The following ZFHX3 variants were observed in gnomAD, a reference collection of about 807,000 sequenced individuals.
The protein encoded by ZFHX3 is zinc finger homeobox protein 3.
ZFHX3 carries 42 observed loss-of-function variants against 279.1 expected under a neutral mutation model. The observed-to-expected ratio is 0.15, with a 90% CI of 0.12 to 0.19. The LOEUF (loss-of-function observed/expected upper bound fraction) is 0.19. Ranked by LOEUF, ZFHX3 falls within the 10% of genes least tolerant of loss-of-function variation. The pLI, the probability that ZFHX3 is intolerant of heterozygous loss-of-function variation, is 1.00. For synonymous variants in ZFHX3, 2,293 were observed against 1,957.8 expected, an observed-to-expected ratio of 1.17 and a Z score of -4.52; for missense variants, 4,981 against 4,754.0, an observed-to-expected ratio of 1.05 and a Z score of -1.40.
chr16:72,917,953 C>T (rs949395200), intron 3 of ZFHX3, among the ~76,000 whole-genome samples: 1 of 152,176 alleles, frequency 6.6e-6, no homozygotes, highest in African/African-American at 2.4e-5. Context: ...CCCACTGAGT[C>T]AATGGAATAA....
intron 2 of ZFHX3, among the ~76,000 whole-genome samples, chr16:73,484,795 C>G (rs1463718215): frequency 2.0e-5 from 3 of 152,206 alleles, no homozygotes; most frequent in Admixed American, 1.3e-4. Flanking sequence ...TGTCTTTCAT[C>G]TATGTTCCTC....
chr16:73,105,358 T>C (rs534171233), intron 7 of ZFHX3, among the ~76,000 whole-genome samples: 1 of 73,368 alleles, frequency 1.4e-5, no homozygotes, highest in African/African-American at 5.2e-5. Context: ...TATATACACA[T>C]ATATATACAC....
chr16:73,140,151 C>T (rs1373553983), intron 6 of ZFHX3, among the ~76,000 whole-genome samples: 1 of 152,094 alleles, frequency 6.6e-6, no homozygotes, highest in African/African-American at 2.4e-5. Context: ...GCCTGTATTC[C>T]CAGCTACTTG....
intron 4 of ZFHX3, among the ~76,000 whole-genome samples, chr16:72,887,108 G>A (rs1446738413): frequency 6.6e-6 from 1 of 152,194 alleles, no homozygotes; most frequent in African/African-American, 2.4e-5. Flanking sequence ...CTTGAATTGT[G>A]GTCTATCCCA....
chr16:73,514,238 AC>A (rs796603668), intron 2 of ZFHX3, among the ~76,000 whole-genome samples: 3 of 151,688 alleles, frequency 2.0e-5, no homozygotes, highest in African/African-American at 7.3e-5. Flanking sequence ...ACAGAGCAAG[AC>A]TCCGTCTCAA....
intron 1 of ZFHX3, among the ~76,000 whole-genome samples, chr16:73,017,628 C>G (rs1964152291): frequency 6.6e-6 from 1 of 152,168 alleles, no homozygotes; most frequent in Non-Finnish European, 1.5e-5. Flanking sequence ...TATCAGCTGA[C>G]TTCTCCAACT....
intron 7 of ZFHX3, among the ~76,000 whole-genome samples, chr16:73,125,923 A>G (rs1209621208): frequency 1.3e-5 from 2 of 152,146 alleles, no homozygotes; most frequent in Non-Finnish European, 2.9e-5. Flanking sequence ...AATTGAGGCA[A>G]AGAGAAGTTA....
chr16:72,787,307 T>C lies in ZFHX3; in HGVS notation c.10969A>G (p.Thr3657Ala). 1.9e-6 allele frequency: 3 copies of C among 1,613,994 alleles called. No individual in the cohort carries two copies. Among genetic ancestry groups the C allele is most frequent in the Non-Finnish European group, 2.5e-6 (3 of 1,179,982 alleles). ...TCAGACTCCTCCGAATAGTCGTCTG[T>C]TGGCATCGAGGGCTGAACCCCTGAG... ...STSGVQPSMPTDDYSEESDTD... is the reference protein window; with the variant it reads ...STSGVQPSMPADDYSEESDTD... The change falls in exon 10 of 10, where the codon ACA (threonine) becomes GCA (alanine). Residue 3657 changes from threonine (T) to alanine (A), a missense_variant. Thr to Ala is a moderately conservative substitution (Grantham distance 58). Coordinates refer to ENST00000268489, the MANE Select transcript of ZFHX3 (RefSeq NM_006885.4).
intron 5 of ZFHX3, among the ~76,000 whole-genome samples, chr16:73,157,172 A>G (rs114494336): frequency 0.01 from 1,523 of 152,214 alleles, 20 homozygotes; most frequent in African/African-American, 0.035. Context: ...GAAGGCCCCA[A>G]AGGGCTGTCT....
intron 2 of ZFHX3, among the ~76,000 whole-genome samples, chr16:73,531,795 T>C (rs907310901): frequency 1.3e-5 from 2 of 151,456 alleles, no homozygotes; most frequent in Admixed American, 1.3e-4. Context: ...TGATAGAATA[T>C]TGTTATTTTT....
At chr16:72,840,351 G>A (rs990778784) in intron 4 of ZFHX3, among the ~76,000 whole-genome samples, 5 of 152,130 alleles carry the variant, frequency 3.3e-5, no homozygotes, top group African/African-American at 1.2e-4. Context: ...TAACAGGAGC[G>A]TCAACGGTGA....
chr16:73,583,494 T>C (rs965984321), intron 2 of ZFHX3, among the ~76,000 whole-genome samples: 3 of 152,222 alleles, frequency 2.0e-5, no homozygotes, highest in Non-Finnish European at 4.4e-5. Context: ...TTGTGTGTCC[T>C]GTGTGCTGTG....
intron 3 of ZFHX3, among the ~76,000 whole-genome samples, chr16:73,370,728 C>G (rs1250544965): frequency 3.3e-5 from 5 of 152,214 alleles, no homozygotes; most frequent in African/African-American, 4.8e-5. Flanking sequence ...CTGATCCAAT[C>G]AAAGGGCCAT....
chr16:73,211,749 C>T (rs2012026007), intron 5 of ZFHX3, among the ~76,000 whole-genome samples: 1 of 151,198 alleles, frequency 6.6e-6, no homozygotes, highest in African/African-American at 2.4e-5. Flanking sequence ...TAGATTTATT[C>T]CTGCAAAGCA....
chr16:72,964,116 A>G (rs1372901481), intron 1 of ZFHX3, among the ~76,000 whole-genome samples: 5 of 152,166 alleles, frequency 3.3e-5, no homozygotes, highest in Non-Finnish European at 7.3e-5. Flanking sequence ...AGCAGTGAAT[A>G]CCGCCTTCCT....
chr16:73,840,431 A>T (rs1224215351), intron 1 of ZFHX3, among the ~76,000 whole-genome samples: 5 of 152,190 alleles, frequency 3.3e-5, no homozygotes, highest in Non-Finnish European at 7.3e-5. Flanking sequence ...GATGGCCTGG[A>T]TGTTCATTCC....
chr16:72,849,147 G>A (rs1302368133), intron 4 of ZFHX3, among the ~76,000 whole-genome samples: 2 of 152,308 alleles, frequency 1.3e-5, no homozygotes, highest in East Asian at 3.9e-4. Flanking sequence ...CAGGAGCACA[G>A]GGCAGTGCGT....
At position 73,578,121 on chromosome 16, in the gene ZFHX3, C is replaced by T. The variant is rs1290922727; in HGVS notation, c.-1547+102059G>A. Among the ~76,000 whole-genome samples, 3 of 152,304 alleles carry T rather than the reference C, an allele frequency of 2.0e-5. No homozygotes were observed. The East Asian group carries it at 5.8e-4, about 29-fold the overall frequency. ...TAACACAGCTCAGATTCATAGGATG[C>T]TGCCAAGATTATTTTTTTAAACACT... On this transcript the variant is annotated intron_variant, in intron 2 of 17. Coordinates refer to the ZFHX3 transcript ENST00000641206.
intron 5 of ZFHX3, among the ~76,000 whole-genome samples, chr16:72,819,776 A>T (rs888032730): frequency 2.0e-5 from 3 of 152,188 alleles, no homozygotes; most frequent in Admixed American, 1.3e-4. Flanking sequence ...AAACACCCTC[A>T]GGCCACCTGC....
Sources: allele counts gnomAD v4.1 joint callset (sites outside exome capture counted in the v4.1 genomes callset), GRCh38; gene constraint gnomAD v4.1.1; transcripts MANE v1.5; gene names NCBI Gene and HGNC (gene_info 2026-07-23, HGNC 2026-07-21).